Variants in MACF1 observed in about 807,000 individuals in gnomAD.
MACF1 encodes microtubule-actin cross-linking factor 1.
In MACF1, 193 loss-of-function variants were observed where a neutral mutation model predicts 854.8. The observed-to-expected ratio is 0.23, with a 90% CI of 0.20 to 0.25. MACF1 has a LOEUF of 0.25. Among genes scored for constraint, MACF1 ranks in the 10% least tolerant of loss-of-function variants. The pLI is 1.00. For synonymous variants in MACF1, 3,185 were observed against 3,226.7 expected (o/e 0.99, Z 0.44); for missense variants, 7,722 against 8,929.1 (o/e 0.86, Z 5.45).
chr1:39,084,465 A>G lies in MACF1; in HGVS notation c.220+27A>G, dbSNP rs202089904. The G allele has an allele frequency of 1.3e-4, 211 of 1,586,088 alleles. 1 individual carries two copies. In the East Asian group the frequency reaches 3.0e-3, roughly 22 times the overall value. On this transcript the variant is annotated intron_variant, in intron 2 of 93. Coordinates refer to the MACF1 transcript ENST00000361689. This position sits in a 1 kb window ranked among gnomAD's most constrained non-coding sequence, Gnocchi z 5.2. ...TAAGAGAGGTCCCCCAGCAGGCTGGACGCTGTGGGTGTGAGGGAGGAATGG... is the reference window on the plus strand; with the variant it reads ...TAAGAGAGGTCCCCCAGCAGGCTGGGCGCTGTGGGTGTGAGGGAGGAATGG...
At position 39,336,012 on chromosome 1, in the gene MACF1, CAGG is replaced by C; in HGVS notation, c.9427_9429del (p.Glu3143del). The C allele has an allele frequency of 6.2e-7, 1 of 1,614,128 alleles. No homozygotes were observed. The highest frequency in any genetic ancestry group is 8.5e-7 in the Non-Finnish European group (1 of 1,180,008). On this transcript the variant is annotated inframe_deletion, in exon 37 of 101. Coordinates refer to ENST00000564288, the MANE Select transcript of MACF1 (RefSeq NM_001394062.1). ...CAAGTCTTTCCAAGGAACCACCAGA[CAGG>C]AGACCAACTATCAAGATTCCTGGGT... is the stretch of plus-strand genomic sequence containing the variant.
Position 39,387,885 on chromosome 1 carries a change from T to A in MACF1, c.15043T>A (p.Phe5015Ile). The A allele has an allele frequency of 6.2e-7, 1 of 1,612,668 alleles. No homozygotes were observed. Among genetic ancestry groups the A allele is most frequent in the Middle Eastern group, 1.6e-4 (1 of 6,062 alleles). Residue 5015 changes from phenylalanine to isoleucine, a missense_variant, in exon 58 of 101, where the codon TTC (phenylalanine) becomes ATC (isoleucine). Physicochemically the swap from Phe to Ile is conservative, Grantham distance 21. Coordinates refer to ENST00000564288, the MANE Select transcript of MACF1 (RefSeq NM_001394062.1). ...LEEMTQRLREFQESFKNIEKK... is the reference protein window; with the variant it reads ...LEEMTQRLREIQESFKNIEKK... ...AGAAATGACTCAGAGGCTCAGGGAG[T>A]TCCAGGAAAGCTTTAAGAATATTGA...
intron 22 of MACF1, among the ~76,000 whole-genome samples, chr1:39,301,569 G>T (rs1470915643): frequency 6.6e-6 from 1 of 151,680 alleles, no homozygotes; most frequent in Admixed American, 6.6e-5. Flanking sequence ...GGGACTACAG[G>T]TGTATGCCAT....
intron 91 of MACF1, chr1:39,459,863 CT>C (rs1449111642): frequency 2.3e-6 from 3 of 1,302,308 alleles, no homozygotes; most frequent in Non-Finnish European, 3.0e-6. Context: ...TTATTTTTTC[CT>C]TAGGTCAGTT....
chr1:39,304,343 T>C (rs1646122957), intron 23 of MACF1: 1 of 786,920 alleles, frequency 1.3e-6, no homozygotes, highest in Non-Finnish European at 2.2e-6. Flanking sequence ...TAGGAAATAA[T>C]CCTTGTCATC....
At chr1:39,268,670 T>C (rs1360429030) in intron 6 of MACF1, 1 of 1,241,972 alleles carries the variant, frequency 8.1e-7, no homozygotes, top group South Asian at 1.4e-5. Flanking sequence ...CTTAGCTGCG[T>C]TTTTGCTGAG....
intron 2 of MACF1, among the ~76,000 whole-genome samples, chr1:39,123,793 G>C (rs531376239): frequency 2.7e-4 from 34 of 124,992 alleles, no homozygotes; most frequent in Non-Finnish European, 4.6e-4. Context: ...GCATGATCTT[G>C]GCTCACTGCA....
intron 90 of MACF1, 73 bp downstream of exon 90, chr1:39,458,563 T>C (rs1313480572): frequency 4.7e-6 from 7 of 1,492,654 alleles, no homozygotes; most frequent in Non-Finnish European, 6.3e-6. Context: ...CAAATGCCTA[T>C]CAAAAAAAAT....
intron 23 of MACF1, among the ~76,000 whole-genome samples, chr1:39,309,088 T>C (rs1200207553): frequency 6.6e-6 from 1 of 152,182 alleles, no homozygotes; most frequent in Non-Finnish European, 1.5e-5. Flanking sequence ...GGATGGGATG[T>C]TGTTTATGCC....
At chr1:39,250,585 T>C (rs1571222451) in intron 3 of MACF1, among the ~76,000 whole-genome samples, 2 of 152,224 alleles carry the variant, frequency 1.3e-5, no homozygotes, top group African/African-American at 2.4e-5. Flanking sequence ...TATTTTTTTT[T>C]CCAAATCATC....
At chr1:39,372,414 A>C in intron 51 of MACF1, 65 bp from the exon 52 acceptor site, 1 of 849,046 alleles carries the variant, frequency 1.2e-6, no homozygotes, top group Non-Finnish European at 2.0e-6. Flanking sequence ...TATACAGAAC[A>C]GATGTCCCTA....
intron 23 of MACF1, among the ~76,000 whole-genome samples, chr1:39,305,087 T>C (rs1439619484): frequency 2.6e-5 from 4 of 151,174 alleles, no homozygotes; most frequent in African/African-American, 9.7e-5. Context: ...ATGGTGAAAC[T>C]CCGTCTCACT....
intron 2 of MACF1, among the ~76,000 whole-genome samples, chr1:39,126,016 C>G (rs745860906): frequency 1.3e-5 from 2 of 152,158 alleles, no homozygotes; most frequent in African/African-American, 2.4e-5. Flanking sequence ...CAAACGACAG[C>G]AAAAACATAT....
At chr1:39,236,175 T>C (rs1571207763) in intron 2 of MACF1, among the ~76,000 whole-genome samples, 1 of 152,328 alleles carries the variant, frequency 6.6e-6, no homozygotes, top group South Asian at 2.1e-4. Context: ...TTCAAGATCA[T>C]GCTGCTAGAA....
Position 39,458,795 on chromosome 1 carries a change from C to T in MACF1, c.21197-291C>T, listed in dbSNP as rs116668301. On this transcript the variant is annotated intron_variant, in intron 90 of 100. Coordinates refer to ENST00000564288, the MANE Select transcript of MACF1 (RefSeq NM_001394062.1). ...TTGGCTTGTACTAATTTAATCAACACAACAGCTTCTACAGAATATGTTGCT... is the reference window on the plus strand; with the variant it reads ...TTGGCTTGTACTAATTTAATCAACATAACAGCTTCTACAGAATATGTTGCT... The T allele has an allele frequency of 5.8e-4, 290 of 496,474 alleles. 2 individuals carry two copies. The highest frequency in any genetic ancestry group is 5.1e-3 in the African/African-American group (264 of 52,100). 30.8% of individuals were successfully genotyped at this position (496,474 alleles called of 1,614,324 possible). A position where few individuals can be genotyped will look rare whatever the true frequency, so the allele number is the denominator to read the frequency against.
chr1:39,485,776 T>A lies in MACF1; in HGVS notation c.22650T>A (p.Thr7550=). 6.2e-7 allele frequency: 1 copy of A among 1,605,514 alleles called. No individual in the cohort carries two copies. The highest frequency in any genetic ancestry group is 8.5e-7 in the Non-Finnish European group (1 of 1,174,274). Residue 7550 remains threonine, a synonymous_variant, in exon 101 of 101, where the codon ACT becomes ACA. Coordinates refer to ENST00000564288, the MANE Select transcript of MACF1 (RefSeq NM_001394062.1). ...SKKTTTASPR[T]PGPKR is the part of the protein sequence containing the mutation. ...AGACCACCACTGCCTCCCCCAGGACTCCAGGTCCCAAGCGATAACACTGTC... is the reference window on the plus strand; with the variant it reads ...AGACCACCACTGCCTCCCCCAGGACACCAGGTCCCAAGCGATAACACTGTC...
intron 6 of MACF1, among the ~76,000 whole-genome samples, chr1:39,277,808 G>A (rs1456864653): frequency 6.6e-6 from 1 of 152,108 alleles, no homozygotes; most frequent in African/African-American, 2.4e-5. Flanking sequence ...GCCTGAGGCT[G>A]TGTTTTTTTA....
intron 1 of MACF1, among the ~76,000 whole-genome samples, chr1:39,217,673 GT>G (rs1047073582): frequency 5.3e-5 from 8 of 150,420 alleles, no homozygotes; most frequent in Admixed American, 4.6e-4. Flanking sequence ...GAGGTCAAGA[GT>G]TCAAGACCAG....
intron 97 of MACF1, among the ~76,000 whole-genome samples, chr1:39,475,123 C>T (rs540732558): frequency 3.9e-5 from 6 of 152,212 alleles, no homozygotes; most frequent in African/African-American, 9.6e-5. Flanking sequence ...CGAAAAGTCA[C>T]GGTCAAATGA....
Sources: allele counts gnomAD v4.1 joint callset (sites outside exome capture counted in the v4.1 genomes callset), GRCh38; gene constraint gnomAD v4.1.1; non-coding constraint Gnocchi (gnomAD v3.1); transcripts MANE v1.5; gene names NCBI Gene and HGNC (gene_info 2026-07-23, HGNC 2026-07-21).